SCIN: variants seen among roughly 807,000 people sequenced by gnomAD.
SCIN encodes scinderin.
Under a neutral mutation model 91.8 loss-of-function variants are expected in SCIN, and 91 were observed. That is an observed-to-expected ratio of 0.99 (90% confidence interval 0.84 to 1.18). SCIN has a LOEUF of 1.18. SCIN is among the 50% of genes most tolerant of loss of function. The probability of loss-of-function intolerance (pLI) is 0.00; values close to 1 mark genes in which losing one functional copy is unlikely to be tolerated. For missense variants in SCIN, 1,087 were observed against 863.9 expected (o/e 1.26, Z -3.24); for synonymous variants, 367 against 312.6 (o/e 1.17, Z -1.84).
intron 13 of SCIN, among the ~76,000 whole-genome samples, chr7:12,648,294 TC>T (rs1784006022): frequency 1.5e-5 from 2 of 134,610 alleles, no homozygotes; most frequent in Non-Finnish European, 1.7e-5. Context: ...TCTCTCTCTC[TC>T]TTTTTTTTTT....
intron 1 of SCIN, among the ~76,000 whole-genome samples, chr7:12,574,977 G>A (rs983039161): frequency 6.6e-6 from 1 of 152,068 alleles, no homozygotes; most frequent in Non-Finnish European, 1.5e-5. Context: ...TGAACACTAA[G>A]CGTTTACATT....
At chr7:12,614,219 T>A (rs2691822) in intron 4 of SCIN, among the ~76,000 whole-genome samples, 31,423 of 152,158 alleles carry the variant, frequency 0.21, 3,951 homozygotes, top group South Asian at 0.37. Context: ...GATGGCTCAC[T>A]GGTAGGCTGA....
intron 2 of SCIN, among the ~76,000 whole-genome samples, chr7:12,578,795 C>T (rs1583273160): frequency 6.6e-6 from 1 of 151,688 alleles, no homozygotes; most frequent in East Asian, 1.9e-4. Flanking sequence ...CGCACATACA[C>T]AATTTATGCA....
intron 3 of SCIN, among the ~76,000 whole-genome samples, chr7:12,600,866 G>C (rs1385825495): frequency 1.3e-5 from 2 of 152,122 alleles, no homozygotes; most frequent in Non-Finnish European, 2.9e-5. Flanking sequence ...TGATTTTAGT[G>C]CTCAGTGGCT....
At chr7:12,583,586 C>T (rs1426676382) in intron 3 of SCIN, among the ~76,000 whole-genome samples, 1 of 152,122 alleles carries the variant, frequency 6.6e-6, no homozygotes, top group Non-Finnish European at 1.5e-5. Context: ...CTGCTGAATT[C>T]AGAACTGATG....
At chr7:12,575,839 A>G (rs1020929563) in intron 1 of SCIN, among the ~76,000 whole-genome samples, 1 of 152,186 alleles carries the variant, frequency 6.6e-6, no homozygotes, top group Non-Finnish European at 1.5e-5. Flanking sequence ...CTGGAATTCC[A>G]TCATGCTACA....
rs148890538 is a variant in SCIN at position 12,620,286 on chromosome 7, CT to C, written c.667-2512del. On this transcript the variant is annotated intron_variant, in intron 4 of 15. Coordinates refer to ENST00000297029, the MANE Select transcript of SCIN (RefSeq NM_001112706.3). ...TAATAACTGTAACCATCATACTATA[CT>C]TTGTCTCCAGAACTTATTTATCTTA... 1.7e-3 allele frequency among the ~76,000 whole-genome samples: 252 copies of C among 152,176 alleles called. No homozygotes were observed. In the East Asian group the frequency reaches 0.03, roughly 18 times the overall value.
chr7:12,652,784 G>C lies in SCIN; in HGVS notation c.*69G>C. 2 of 1,554,534 alleles carry C rather than the reference G, an allele frequency of 1.3e-6. No homozygotes were observed. Among genetic ancestry groups the C allele is most frequent in the Non-Finnish European group, 1.7e-6 (2 of 1,156,916 alleles). ...CTCATTGCTGTTTTGGGAGAGGAAC[G>C]GGAAAAGCTTTTTGCTTATTTGTCT... On this transcript the variant is annotated 3_prime_UTR_variant, in exon 16 of 16. Coordinates refer to ENST00000297029, the MANE Select transcript of SCIN (RefSeq NM_001112706.3).
In SCIN at chr7:12,651,535, C is replaced by T. The variant is rs1454563925; in HGVS notation, c.1960-306C>T. ...AGGGGGTGGATGAAAAAAAAAAGTC[C>T]ACCCAGACAATCTGTTTTTTTTTGT... On this transcript the variant is annotated intron_variant, in intron 14 of 15. Transcript: ENST00000297029. This position sits in a 1 kb window ranked among gnomAD's most constrained non-coding sequence, Gnocchi z 5.9. 1.3e-5 allele frequency among the ~76,000 whole-genome samples: 2 copies of T among 150,400 alleles called. No individual in the cohort carries two copies. Among genetic ancestry groups the T allele is most frequent in the African/African-American group, 2.4e-5 (1 of 40,900 alleles).
intron 3 of SCIN, among the ~76,000 whole-genome samples, chr7:12,592,013 A>G (rs1476295564): frequency 6.6e-6 from 1 of 152,172 alleles, no homozygotes; most frequent in Non-Finnish European, 1.5e-5. Context: ...AGACAGGTTT[A>G]AGGAAGTAAG....
rs571635823 is a variant in SCIN, at chr7:12,607,191, T to G, written c.666+2528T>G. The stretch of plus-strand genomic sequence containing the variant: ...TCTCCTGACTATTCATTGTGTCTGA[T>G]TCCTCATATGCAAAGTGAAGGGTTA... On this transcript the variant is annotated intron_variant, in intron 4 of 15. Transcript: ENST00000297029. Among the ~76,000 whole-genome samples the G allele has an allele frequency of 4.6e-5, 7 of 152,320 alleles. No homozygotes were observed. The East Asian group carries it at 1.4e-3, about 29-fold the overall frequency.
intron 9 of SCIN, among the ~76,000 whole-genome samples, chr7:12,633,246 T>C (rs536558671): frequency 1.3e-5 from 2 of 152,214 alleles, no homozygotes; most frequent in Non-Finnish European, 2.9e-5. Context: ...AGCAATGATA[T>C]TTTATCTGAA....
intron 4 of SCIN, among the ~76,000 whole-genome samples, chr7:12,606,472 T>C (rs576693748): frequency 2.0e-5 from 3 of 152,340 alleles, no homozygotes; most frequent in Admixed American, 2.0e-4. Context: ...ACTTTATGTA[T>C]TGTAATGTCT....
intron 14 of SCIN, 81 bp downstream of exon 14, chr7:12,649,625 C>G: frequency 1.1e-6 from 1 of 894,156 alleles, no homozygotes; most frequent in Non-Finnish European, 1.8e-6. Context: ...AATGGTAAGT[C>G]TAGATATAAA....
intron 3 of SCIN, among the ~76,000 whole-genome samples, chr7:12,588,082 C>G (rs756772215): frequency 6.6e-6 from 1 of 152,194 alleles, no homozygotes; most frequent in Non-Finnish European, 1.5e-5. Context: ...AAAGACTGAA[C>G]TAAATCTTCT....
chr7:12,616,274 A>C (rs1783297824), intron 4 of SCIN, among the ~76,000 whole-genome samples: 1 of 152,114 alleles, frequency 6.6e-6, no homozygotes, highest in East Asian at 1.9e-4. Context: ...AATGGGACCT[A>C]ATAAGAGATG....
intron 9 of SCIN, among the ~76,000 whole-genome samples, chr7:12,634,221 C>A (rs1019110876): frequency 6.6e-6 from 1 of 152,070 alleles, no homozygotes; most frequent in South Asian, 2.1e-4. Flanking sequence ...CATGGTGGCT[C>A]ACGCCTGTAA....
At position 12,651,593 on chromosome 7, in the gene SCIN, G is replaced by A. The variant is rs1395510036; in HGVS notation, c.1960-248G>A. ...CACTTTACAAACTAGAAAGTACCAT[G>A]TAAACATAAAATATCCAAGTGTGAA... On this transcript the variant is annotated intron_variant, in intron 14 of 15. Transcript: ENST00000297029. This position sits in a 1 kb window ranked among gnomAD's most constrained non-coding sequence, Gnocchi z 5.9. Among the ~76,000 whole-genome samples, 2 of 151,760 alleles carry A rather than the reference G, an allele frequency of 1.3e-5. No homozygotes were observed. Among genetic ancestry groups the A allele is most frequent in the Non-Finnish European group, 2.9e-5 (2 of 67,970 alleles).
At position 12,659,127 on chromosome 7, in the gene SCIN, T is replaced by C. The variant is rs1784219024; in HGVS notation, c.*6412T>C. Reference sequence around the variant, plus strand: ...CCCGCCACCACACCTGACTAATTTTTTGTATTTTTAAGTAGAGACGGAGTT... The same window carrying C: ...CCCGCCACCACACCTGACTAATTTTCTGTATTTTTAAGTAGAGACGGAGTT... On this transcript the variant is annotated 3_prime_UTR_variant, in exon 16 of 16. Coordinates refer to ENST00000297029, the MANE Select transcript of SCIN (RefSeq NM_001112706.3). The C allele has an allele frequency of 6.6e-6, 1 of 152,214 alleles. No individual in the cohort carries two copies. The highest frequency in any genetic ancestry group is 2.4e-5 in the African/African-American group (1 of 41,422). 9.4% of individuals were successfully genotyped at this position (152,214 alleles called of 1,614,324 possible).
Sources: gnomAD v4.1 joint callset for allele counts (sites outside exome capture counted in the v4.1 genomes callset) on GRCh38, gnomAD v4.1.1 for gene constraint, Gnocchi (gnomAD v3.1) non-coding constraint, MANE v1.5 for transcripts, NCBI Gene and HGNC (gene_info 2026-07-23, HGNC 2026-07-21) for gene names.